MACROH2A2: variants seen among roughly 807,000 people sequenced by gnomAD.
MACROH2A2 encodes core histone macro-H2A.2.
Under a neutral mutation model 37.6 loss-of-function variants are expected in MACROH2A2, and 6 were observed. The ratio of observed to expected loss-of-function variants is 0.16; its 90% CI spans 0.09 to 0.32. MACROH2A2 has a LOEUF of 0.32. MACROH2A2 is among the 10% of genes least tolerant of loss of function. The pLI is 1.00. For missense variants in MACROH2A2, 290 were observed against 485.9 expected (o/e 0.60, Z 3.79); for synonymous variants, 192 against 202.7 (o/e 0.95, Z 0.45).
intron 1 of MACROH2A2, among the ~76,000 whole-genome samples, chr10:70,065,633 A>G (rs937895447): frequency 5.3e-5 from 8 of 152,194 alleles, no homozygotes; most frequent in Non-Finnish European, 7.3e-5. Context: ...CTTGGAAATT[A>G]AAAATATGAT....
intron 1 of MACROH2A2, among the ~76,000 whole-genome samples, chr10:70,074,634 GT>G (rs1004534711): frequency 1.3e-5 from 2 of 152,120 alleles, no homozygotes; most frequent in African/African-American, 4.8e-5. Flanking sequence ...CATGGGGGTG[GT>G]TTCCCCCATA....
intron 2 of MACROH2A2, among the ~76,000 whole-genome samples, chr10:70,085,504 C>T (rs1350488140): frequency 6.6e-6 from 1 of 152,178 alleles, no homozygotes; most frequent in Non-Finnish European, 1.5e-5. Flanking sequence ...CTTGCTCACT[C>T]CACCTCACCT....
At position 70,091,911 on chromosome 10, in the gene MACROH2A2, G is replaced by C. The variant is rs200578327; in HGVS notation, c.434G>C (p.Gly145Ala). 368 of 1,614,078 alleles carry C rather than the reference G, an allele frequency of 2.3e-4. 2 individuals carry two copies. The highest frequency in any genetic ancestry group is 1.0e-3 in the Middle Eastern group (6 of 5,994). The stretch of plus-strand genomic sequence containing the variant: ...AGGAAGGCCACGTCAGGCAAGAAGG[G>C]GGGGAAGAAATCCAAGGCTGCCAAA... ...RGRKATSGKK[G>A]GKKSKAAKPR... The change falls in exon 4 of 9, where the codon GGG becomes GCG. Residue 145 changes from glycine (G) to alanine (A), a missense_variant. Transcript: ENST00000373255.
chr10:70,102,406 C>T (rs927248501), intron 7 of MACROH2A2, among the ~76,000 whole-genome samples: 2 of 152,108 alleles, frequency 1.3e-5, no homozygotes, highest in African/African-American at 4.8e-5. Context: ...AGGGGGCTGT[C>T]CAGATTAGAC....
At chr10:70,094,121 G>T (rs969788374) in intron 5 of MACROH2A2, among the ~76,000 whole-genome samples, 3 of 151,936 alleles carry the variant, frequency 2.0e-5, no homozygotes, top group African/African-American at 4.8e-5. Context: ...TACTGGTTTT[G>T]CTGGGAATTC....
In MACROH2A2 at chr10:70,053,327, G is replaced by A. The variant is rs1372609367; in HGVS notation, c.-60+327G>A. The stretch of plus-strand genomic sequence containing the variant: ...TCAGCAGCGGGCCCCAGGCGAGGCT[G>A]GACCCGGAGGAAGCGGAGGTCTCCT... On this transcript the variant is annotated intron_variant, in intron 1 of 8. Coordinates refer to ENST00000373255, the MANE Select transcript of MACROH2A2 (RefSeq NM_018649.3). This position sits in a 1 kb window ranked among gnomAD's most constrained non-coding sequence, Gnocchi z 4.8. 1.3e-5 allele frequency among the ~76,000 whole-genome samples: 2 copies of A among 152,234 alleles called. No homozygotes were observed. Among genetic ancestry groups the A allele is most frequent in the African/African-American group, 2.4e-5 (1 of 41,562 alleles).
chr10:70,100,360 C>A, intron 7 of MACROH2A2, 63 bp downstream of exon 7: 1 of 847,524 alleles, frequency 1.2e-6, no homozygotes, highest in Admixed American at 2.0e-5. Context: ...GAGTCTCCAG[C>A]CTCACGTGCC....
chr10:70,090,680 C>T (rs1365251885), intron 3 of MACROH2A2, among the ~76,000 whole-genome samples: 1 of 152,170 alleles, frequency 6.6e-6, no homozygotes, highest in Non-Finnish European at 1.5e-5. Flanking sequence ...TCTTCTCAAA[C>T]TGTAGTGAAG....
At chr10:70,106,620 A>C (rs941553587) in intron 7 of MACROH2A2, among the ~76,000 whole-genome samples, 1 of 152,050 alleles carries the variant, frequency 6.6e-6, no homozygotes, top group African/African-American at 2.4e-5. Context: ...AACATGGTGA[A>C]ACCCCATCTC....
At chr10:70,106,756 T>C (rs1431278429) in intron 7 of MACROH2A2, among the ~76,000 whole-genome samples, 1 of 141,324 alleles carries the variant, frequency 7.1e-6, no homozygotes, top group East Asian at 2.0e-4. Flanking sequence ...TGAGCTGTGA[T>C]CGAGCCACTG....
chr10:70,102,122 A>G (rs187531386), intron 7 of MACROH2A2, among the ~76,000 whole-genome samples: 121 of 152,326 alleles, frequency 7.9e-4, no homozygotes, highest in Non-Finnish European at 1.4e-3. Flanking sequence ...CGCTGCCCTC[A>G]GATGCATAAT....
chr10:70,070,012 G>C (rs575267530), intron 1 of MACROH2A2, among the ~76,000 whole-genome samples: 2 of 152,124 alleles, frequency 1.3e-5, no homozygotes, highest in Non-Finnish European at 2.9e-5. Context: ...TCCTCCCGTC[G>C]GTGGGCTCTG....
intron 7 of MACROH2A2, among the ~76,000 whole-genome samples, chr10:70,105,667 G>A (rs958016709): frequency 3.3e-5 from 5 of 151,930 alleles, no homozygotes; most frequent in Non-Finnish European, 7.4e-5. Flanking sequence ...TCCAGCAACC[G>A]TGTGGAGGAT....
At chr10:70,064,674 C>T (rs1022201541) in intron 1 of MACROH2A2, among the ~76,000 whole-genome samples, 1 of 152,162 alleles carries the variant, frequency 6.6e-6, no homozygotes, top group African/African-American at 2.4e-5. Context: ...ATGGGTTTAT[C>T]AGGGGTTTCT....
At chr10:70,108,283 C>T (rs2072349749) in intron 7 of MACROH2A2, among the ~76,000 whole-genome samples, 1 of 152,130 alleles carries the variant, frequency 6.6e-6, no homozygotes, top group South Asian at 2.1e-4. Context: ...AACAAATTAC[C>T]ACAAAGTTCG....
At chr10:70,096,925 G>A (rs910149291) in intron 6 of MACROH2A2, among the ~76,000 whole-genome samples, 1 of 152,214 alleles carries the variant, frequency 6.6e-6, no homozygotes. Flanking sequence ...ATGGAAGGAC[G>A]CCCTCTAGTA....
At chr10:70,082,149 G>A (rs1469546514) in intron 2 of MACROH2A2, among the ~76,000 whole-genome samples, 1 of 152,212 alleles carries the variant, frequency 6.6e-6, no homozygotes, top group Non-Finnish European at 1.5e-5. Context: ...GCCGGGCGCA[G>A]TGGCTCACGC....
intron 7 of MACROH2A2, among the ~76,000 whole-genome samples, chr10:70,103,865 C>T (rs992179356): frequency 1.3e-5 from 2 of 152,098 alleles, no homozygotes; most frequent in Admixed American, 1.3e-4. Context: ...CCAAGAATTC[C>T]ACATTTTGCT....
chr10:70,071,069 A>G (rs1252373077), intron 1 of MACROH2A2, among the ~76,000 whole-genome samples: 2 of 146,358 alleles, frequency 1.4e-5, no homozygotes, highest in African/African-American at 2.6e-5. Context: ...GCGCGTGTGC[A>G]TGTGCATGAG....
Sources: allele counts gnomAD v4.1 joint callset (sites outside exome capture counted in the v4.1 genomes callset), GRCh38; gene constraint gnomAD v4.1.1; non-coding constraint Gnocchi (gnomAD v3.1); transcripts MANE v1.5; gene names NCBI Gene and HGNC (gene_info 2026-07-23, HGNC 2026-07-21).